COMMD10: variants seen among roughly 807,000 people sequenced by gnomAD.
COMMD10 encodes COMM domain containing 10, also known as COMM domain-containing protein 10.
A neutral mutation model predicts 28.9 loss-of-function variants in COMMD10; 33 were observed. The ratio of observed to expected loss-of-function variants is 1.14; its 90% CI spans 0.87 to 1.53. The LOEUF (loss-of-function observed/expected upper bound fraction) is 1.53, where lower values mean the gene tolerates loss of function less well. Among genes scored for constraint, COMMD10 ranks in the 40% most tolerant of loss-of-function variants. The pLI is 0.00. For missense variants in COMMD10, 310 were observed against 233.4 expected, an observed-to-expected ratio of 1.33 and a Z score of -2.14; for synonymous variants, 110 against 81.7, an observed-to-expected ratio of 1.35 and a Z score of -1.87.
chr5:116,213,084 T>C (rs1326563144), intron 5 of COMMD10, among the ~76,000 whole-genome samples: 1 of 152,098 alleles, frequency 6.6e-6, no homozygotes, highest in African/African-American at 2.4e-5. Context: ...GATTGGTTTG[T>C]CATATTTTAT....
rs139306913 is a variant in COMMD10, at chr5:116,279,551, G to A, written c.511-11966G>A. On this transcript the variant is annotated intron_variant, in intron 5 of 6. Coordinates refer to ENST00000274458, the MANE Select transcript of COMMD10 (RefSeq NM_016144.4). The stretch of plus-strand genomic sequence containing the variant: ...TGCATAATATTTTAATGAAGTCTTT[G>A]GAATCACAGGGCTTGAGGTAGCAAC... Among the ~76,000 whole-genome samples, 308 of 151,864 alleles carry A rather than the reference G, an allele frequency of 2.0e-3. 7 individuals carry two copies. Among genetic ancestry groups the A allele is most frequent in the African/African-American group, 7.1e-3 (292 of 41,226 alleles).
intron 2 of COMMD10, among the ~76,000 whole-genome samples, chr5:116,089,646 T>G (rs1282717433): frequency 6.6e-6 from 1 of 152,198 alleles, no homozygotes; most frequent in Non-Finnish European, 1.5e-5. Context: ...GGCTAAAGCA[T>G]TCCATGGAGG....
intron 5 of COMMD10, among the ~76,000 whole-genome samples, chr5:116,200,334 C>T (rs1351754114): frequency 2.0e-5 from 3 of 151,844 alleles, no homozygotes; most frequent in African/African-American, 7.3e-5. Flanking sequence ...TTTTTCACCA[C>T]TTTGGCATCT....
intron 5 of COMMD10, among the ~76,000 whole-genome samples, chr5:116,206,273 A>T (rs1748811194): frequency 6.6e-6 from 1 of 152,188 alleles, no homozygotes; most frequent in African/African-American, 2.4e-5. Context: ...CTTAGAGTTG[A>T]AACAGCAGTT....
chr5:116,210,851 A>G (rs945972519), intron 5 of COMMD10, among the ~76,000 whole-genome samples: 6 of 152,122 alleles, frequency 3.9e-5, no homozygotes, highest in African/African-American at 1.4e-4. Context: ...CACATGGTAC[A>G]TTAAAAATAG....
intron 5 of COMMD10, among the ~76,000 whole-genome samples, chr5:116,138,581 A>G (rs192883099): frequency 6.6e-6 from 1 of 151,728 alleles, no homozygotes; most frequent in East Asian, 1.9e-4. Context: ...GGGATTCCAA[A>G]TTTTATTTGT....
chr5:116,210,301 T>C (rs113079702), intron 5 of COMMD10, among the ~76,000 whole-genome samples: 2,432 of 151,688 alleles, frequency 0.016, 72 homozygotes, highest in African/African-American at 0.056. Flanking sequence ...CATTTTATTC[T>C]GTTAAATTAT....
At chr5:116,129,257 G>A (rs557131347) in intron 4 of COMMD10, among the ~76,000 whole-genome samples, 1 of 150,474 alleles carries the variant, frequency 6.6e-6, no homozygotes, top group Non-Finnish European at 1.5e-5. Flanking sequence ...TTTGTTTTAC[G>A]TTTTTAATCT....
chr5:116,106,293 T>C lies in COMMD10; in HGVS notation c.399+13593T>C, dbSNP rs183656096. ...GTTCAGTTTCCATGTGTTGTGAGGT[T>C]TTGAGTGAGTTTCTTAATCTTGAGT... On this transcript the variant is annotated intron_variant, in intron 4 of 6. Coordinates refer to ENST00000274458, the MANE Select transcript of COMMD10 (RefSeq NM_016144.4). 2.6e-5 allele frequency among the ~76,000 whole-genome samples: 4 copies of C among 152,260 alleles called. No homozygotes were observed. In the East Asian group the frequency reaches 5.8e-4, roughly 22 times the overall value.
rs11952123 is a variant in COMMD10 at position 116,116,822 on chromosome 5, C to T, written c.400-17246C>T. ...CAAGCTCCGCTTCCCGGGTTCACGC[C>T]ATTCTCCTGCCTCAGCCTCCCAAAA... On this transcript the variant is annotated intron_variant, in intron 4 of 6. Transcript: ENST00000274458. Among the ~76,000 whole-genome samples the T allele has an allele frequency of 4.4e-3, 676 of 151,966 alleles. 10 individuals carry two copies. The highest frequency in any genetic ancestry group is 0.015 in the African/African-American group (628 of 41,452).
In COMMD10 at chr5:116,113,823, G is replaced by T. The variant is rs1751138690; in HGVS notation, c.400-20245G>T. On this transcript the variant is annotated intron_variant, in intron 4 of 6. Coordinates refer to ENST00000274458, the MANE Select transcript of COMMD10 (RefSeq NM_016144.4). Reference sequence around the variant, plus strand: ...TCTGCTCTATTGTTGGAGAATTATTGTGTTCCTTTGATGGTGTCATATTGC... The same window carrying T: ...TCTGCTCTATTGTTGGAGAATTATTTTGTTCCTTTGATGGTGTCATATTGC... 2.6e-5 allele frequency among the ~76,000 whole-genome samples: 4 copies of T among 152,014 alleles called. No individual in the cohort carries two copies. In the South Asian group the frequency reaches 8.3e-4, roughly 32 times the overall value.
At chr5:116,153,625 A>C (rs201169102) in intron 5 of COMMD10, among the ~76,000 whole-genome samples, 1 of 44,836 alleles carries the variant, frequency 2.2e-5, no homozygotes, top group Middle Eastern at 0.017. Context: ...GCAATTAATA[A>C]GCAGTGAGTT....
At position 116,090,818 on chromosome 5, in the gene COMMD10, C is replaced by T. The variant is rs150035444; in HGVS notation, c.133-261C>T. On this transcript the variant is annotated intron_variant, in intron 2 of 6. Transcript: ENST00000274458. Reference sequence around the variant, plus strand: ...TCAGCAGTTCTTTAGGATAGATGAGCCCCTTAGCACAGGGCTCTGATGCTT... The same window carrying T: ...TCAGCAGTTCTTTAGGATAGATGAGTCCCTTAGCACAGGGCTCTGATGCTT... 7.6e-3 allele frequency among the ~76,000 whole-genome samples: 1,156 copies of T among 152,296 alleles called. 14 individuals carry two copies. The highest frequency in any genetic ancestry group is 0.026 in the African/African-American group (1,075 of 41,550).
chr5:116,124,358 T>C (rs901568714), intron 4 of COMMD10, among the ~76,000 whole-genome samples: 5 of 152,226 alleles, frequency 3.3e-5, no homozygotes, highest in African/African-American at 9.6e-5. Flanking sequence ...GATTGTTCAG[T>C]TTCCATGTAC....
chr5:116,227,847 G>A (rs1321293582), intron 5 of COMMD10, among the ~76,000 whole-genome samples: 1 of 152,048 alleles, frequency 6.6e-6, no homozygotes, highest in African/African-American at 2.4e-5. Context: ...ACATCAGTGT[G>A]TATGTATACC....
At chr5:116,278,943 A>G (rs1752702942) in intron 5 of COMMD10, among the ~76,000 whole-genome samples, 1 of 151,900 alleles carries the variant, frequency 6.6e-6, no homozygotes, top group Admixed American at 6.6e-5. Context: ...GAAATCATTT[A>G]GACAAAATCC....
intron 4 of COMMD10, among the ~76,000 whole-genome samples, chr5:116,130,810 T>TA (rs1751839589): frequency 6.6e-6 from 1 of 152,046 alleles, no homozygotes; most frequent in African/African-American, 2.4e-5. Context: ...CTTTTAAAAT[T>TA]AGAGTTGTAT....
At chr5:116,107,790 G>A (rs1361729162) in intron 4 of COMMD10, among the ~76,000 whole-genome samples, 1 of 152,072 alleles carries the variant, frequency 6.6e-6, no homozygotes, top group African/African-American at 2.4e-5. Context: ...CAGCCTTTTT[G>A]TGCTGGTTTC....
At chr5:116,217,967 A>G in intron 5 of COMMD10, 1 of 804,734 alleles carries the variant, frequency 1.2e-6, no homozygotes, top group Middle Eastern at 3.7e-4. Context: ...TGGTAAAAAT[A>G]GTATTTCAAA....
Sources: allele counts gnomAD v4.1 joint callset (sites outside exome capture counted in the v4.1 genomes callset), GRCh38; gene constraint gnomAD v4.1.1; transcripts MANE v1.5; gene names NCBI Gene and HGNC (gene_info 2026-07-23, HGNC 2026-07-21).